The following MEIOB variants were observed in gnomAD, a reference collection of about 807,000 sequenced individuals.
MEIOB encodes meiosis-specific with OB domain-containing protein.
In MEIOB, 50 loss-of-function variants were observed where a neutral mutation model predicts 53.1. That is an observed-to-expected ratio of 0.94 (90% CI 0.75 to 1.19). The LOEUF (loss-of-function observed/expected upper bound fraction) is 1.19. Among genes scored for constraint, MEIOB ranks in the 50% most tolerant of loss-of-function variants. The probability of loss-of-function intolerance (pLI) is 0.00; values close to 1 mark genes in which losing one functional copy is unlikely to be tolerated. For synonymous variants in MEIOB, 192 were observed against 182.5 expected (o/e 1.05, Z -0.42); for missense variants, 551 against 550.8 (o/e 1.00, Z 0.00).
intron 9 of MEIOB, among the ~76,000 whole-genome samples, chr16:1,846,927 C>T (rs1475422414): frequency 1.3e-5 from 2 of 149,648 alleles, no homozygotes; most frequent in Non-Finnish European, 3.0e-5. Flanking sequence ...GAGGGTGAGG[C>T]GGGCGGATCA....
At chr16:1,855,005 C>T (rs1742429) in intron 6 of MEIOB, among the ~76,000 whole-genome samples, 125,545 of 152,028 alleles carry the variant, frequency 0.83, 51,970 homozygotes, top group Middle Eastern at 0.9. Context: ...GAGAAAGGGA[C>T]CTAGAAAGGA....
chr16:1,851,960 C>G (rs1006750378), intron 9 of MEIOB, among the ~76,000 whole-genome samples: 1 of 152,180 alleles, frequency 6.6e-6, no homozygotes, highest in African/African-American at 2.4e-5. Context: ...GCACTAATCC[C>G]TCATCTCCCC....
rs898933282 is a variant in MEIOB, at chr16:1,872,111, G to C, written c.-128C>G. On this transcript the variant is annotated 5_prime_UTR_variant, in exon 1 of 14. Transcript: ENST00000325962. Reference sequence around the variant, plus strand: ...TTCGCGGCTTCTCCACAGGACGCTCGGGCCACAGCCTCGTGCAGGTGCGAC... The same window carrying C: ...TTCGCGGCTTCTCCACAGGACGCTCCGGCCACAGCCTCGTGCAGGTGCGAC... 6.6e-6 allele frequency: 1 copy of C among 151,770 alleles called. No homozygotes were observed. The highest frequency in any genetic ancestry group is 1.5e-5 in the Non-Finnish European group (1 of 67,982). 9.4% of individuals were successfully genotyped at this position (151,770 alleles called of 1,614,324 possible).
intron 1 of MEIOB, among the ~76,000 whole-genome samples, chr16:1,869,168 A>G (rs952204631): frequency 7.9e-5 from 12 of 152,276 alleles, no homozygotes; most frequent in African/African-American, 2.9e-4. Context: ...TCTGTGCCCC[A>G]GGGTGGAGTG....
intron 11 of MEIOB, 72 bp downstream of exon 11, chr16:1,841,748 A>C: frequency 1.7e-6 from 2 of 1,173,118 alleles, no homozygotes; most frequent in Non-Finnish European, 2.3e-6. Context: ...TAACTTTTAG[A>C]GAGCTTAAAA....
chr16:1,852,986 G>T, intron 9 of MEIOB, 53 bp downstream of exon 9: 1 of 1,065,068 alleles, frequency 9.4e-7, no homozygotes, highest in South Asian at 1.3e-5. Context: ...TATAAATATT[G>T]AAATGTGTTC....
rs145332950 is a variant in MEIOB, at chr16:1,847,111, C to T, written c.779-2148G>A. On this transcript the variant is annotated intron_variant, in intron 9 of 13. Transcript: ENST00000325962. ...CAGAGACTGCAGTAAGCCGAGATCACGCCACTGCACTCCAGCCTGGGCGAC... is the reference window on the plus strand; with the variant it reads ...CAGAGACTGCAGTAAGCCGAGATCATGCCACTGCACTCCAGCCTGGGCGAC... 1.7e-3 allele frequency among the ~76,000 whole-genome samples: 255 copies of T among 152,124 alleles called. 1 individual carries two copies. The highest frequency in any genetic ancestry group is 2.5e-3 in the Non-Finnish European group (173 of 68,000).
At chr16:1,854,879 C>T (rs1176113065) in intron 6 of MEIOB, among the ~76,000 whole-genome samples, 1 of 152,054 alleles carries the variant, frequency 6.6e-6, no homozygotes, top group Admixed American at 6.5e-5. Context: ...TTCTCTCCAC[C>T]CAGTGGCTTC....
chr16:1,846,568 A>G (rs1345828258), intron 9 of MEIOB, among the ~76,000 whole-genome samples: 1 of 152,242 alleles, frequency 6.6e-6, no homozygotes, highest in Non-Finnish European at 1.5e-5. Flanking sequence ...CATCAGTGGT[A>G]GACTGGATAA....
At chr16:1,860,659 A>G (rs1899419133) in intron 4 of MEIOB, among the ~76,000 whole-genome samples, 184 bp from the exon 5 acceptor site, 1 of 152,194 alleles carries the variant, frequency 6.6e-6, no homozygotes, top group South Asian at 2.1e-4. Context: ...TCAAAATTGA[A>G]ATCTTTATCT....
intron 10 of MEIOB, 28 bp downstream of exon 10, chr16:1,844,834 A>G (rs1313635675): frequency 7.6e-7 from 1 of 1,318,884 alleles, no homozygotes; most frequent in East Asian, 2.4e-5. Flanking sequence ...CTTTAAAAAA[A>G]TCCAAATATA....
chr16:1,855,697 G>A (rs1395783033), intron 6 of MEIOB, among the ~76,000 whole-genome samples: 1 of 152,168 alleles, frequency 6.6e-6, no homozygotes, highest in Non-Finnish European at 1.5e-5. Flanking sequence ...TTGAACAACT[G>A]AATAGGATTG....
In MEIOB at chr16:1,862,062, T is replaced by C. The variant is rs889151080; in HGVS notation, c.182A>G (p.His61Arg). 1.9e-6 allele frequency: 3 copies of C among 1,551,510 alleles called. No individual in the cohort carries two copies. Among genetic ancestry groups the C allele is most frequent in the Admixed American group, 3.9e-5 (2 of 51,000 alleles). Residue 61 changes from histidine to arginine, a missense_variant, in exon 4 of 14, where the codon CAT becomes CGT. By Grantham distance (29) the His-to-Arg change is conservative (BLOSUM62 0). Transcript: ENST00000325962. ...FSFTIRDSPA[H>R]FVNAASWGNE... Reference sequence around the variant, plus strand: ...GCCCCAGGAAGCTGCATTTACAAAATGTGCTGGTGAATCCCGAATGGTGAA... The same window carrying C: ...GCCCCAGGAAGCTGCATTTACAAAACGTGCTGGTGAATCCCGAATGGTGAA...
At chr16:1,862,485 T>C (rs1899471459) in intron 3 of MEIOB, among the ~76,000 whole-genome samples, 1 of 152,194 alleles carries the variant, frequency 6.6e-6, no homozygotes, top group African/African-American at 2.4e-5. Flanking sequence ...AATTCAGATC[T>C]AAATAGTTAT....
chr16:1,853,140 T>TG lies in MEIOB; in HGVS notation c.683-7dup, dbSNP rs776525949. 11 of 1,606,316 alleles carry TG rather than the reference T, an allele frequency of 6.8e-6. No homozygotes were observed. The Admixed American group carries it at 1.7e-4, about 25-fold the overall frequency. ...TACATCTGAGGCAAATATTACTGTT[T>TG]GGGAAAAAAGCCATTTAAAATTATT... is the stretch of plus-strand genomic sequence containing the variant. On this transcript the variant is annotated splice_region_variant and splice_polypyrimidine_tract_variant and intron_variant, in intron 8 of 13. Coordinates refer to ENST00000325962, the MANE Select transcript of MEIOB (RefSeq NM_001163560.3).
At chr16:1,838,075 C>T (rs1053642441) in intron 12 of MEIOB, 1 of 914,564 alleles carries the variant, frequency 1.1e-6, no homozygotes, top group Non-Finnish European at 1.6e-6. Flanking sequence ...CAGCTCACTG[C>T]AGCCTCGAAC....
At chr16:1,859,912 C>A (rs556640715) in intron 5 of MEIOB, among the ~76,000 whole-genome samples, 8 of 152,196 alleles carry the variant, frequency 5.3e-5, no homozygotes, top group African/African-American at 1.9e-4. Flanking sequence ...AGCTCCCTCC[C>A]GGCTCCTGCT....
chr16:1,870,407 G>C (rs1391922172), intron 1 of MEIOB, among the ~76,000 whole-genome samples: 10 of 152,138 alleles, frequency 6.6e-5, no homozygotes, highest in Non-Finnish European at 1.5e-4. Flanking sequence ...CTTTAACTCT[G>C]GGAATGCCCA....
chr16:1,839,530 G>A (rs578090025), intron 11 of MEIOB, 92 bp from the exon 12 acceptor site: 15 of 1,194,860 alleles, frequency 1.3e-5, no homozygotes, highest in East Asian at 2.5e-5. Context: ...AAAACTCTAC[G>A]ACAGTGTGTG....
Sources: gnomAD v4.1 joint callset for allele counts (sites outside exome capture counted in the v4.1 genomes callset) on GRCh38, gnomAD v4.1.1 for gene constraint, MANE v1.5 for transcripts, NCBI Gene and HGNC (gene_info 2026-07-23, HGNC 2026-07-21) for gene names.